USH2A: variants seen among roughly 807,000 people sequenced by gnomAD.
The protein encoded by USH2A is Usher syndrome 2A (autosomal recessive, mild).
A neutral mutation model predicts 538.9 loss-of-function variants in USH2A; 443 were observed. That is an observed-to-expected ratio of 0.82 (90% CI 0.76 to 0.89). USH2A has a LOEUF of 0.89. USH2A is among the 40% of genes least tolerant of loss of function. The pLI is 0.00. For synonymous variants in USH2A, 2,413 were observed against 2,273.5 expected, an observed-to-expected ratio of 1.06 and a Z score of -1.75; for missense variants, 6,633 against 6,324.8, an observed-to-expected ratio of 1.05 and a Z score of -1.65.
At position 216,246,914 on chromosome 1, in the gene USH2A, T is replaced by C; in HGVS notation, c.2480A>G (p.Asn827Ser). 6.2e-7 allele frequency: 1 copy of C among 1,614,170 alleles called. No individual in the cohort carries two copies. Among genetic ancestry groups the C allele is most frequent in the South Asian group, 1.1e-5 (1 of 91,086 alleles). ...CKPNVEGRQC[N>S]KCLEGNFYLR... The stretch of plus-strand genomic sequence containing the variant: ...GTAGAAGTTTCCCTCCAAACATTTA[T>C]TGCACTGTCTCCCTTCAACATTGGG... The change falls in exon 13 of 72, where the codon AAT becomes AGT. Residue 827 changes from asparagine (N) to serine (S), a missense_variant. Coordinates refer to ENST00000307340, the MANE Select transcript of USH2A (RefSeq NM_206933.4).
Position 216,159,573 on chromosome 1 carries a change from G to C in USH2A, c.4627+15679C>G, listed in dbSNP as rs576208897. Reference sequence around the variant, plus strand: ...ACACACACACACACACACACACACAGAGAATATTAGAATCTACTTTTGTGA... The same window carrying C: ...ACACACACACACACACACACACACACAGAATATTAGAATCTACTTTTGTGA... On this transcript the variant is annotated intron_variant, in intron 21 of 71. Transcript: ENST00000307340. 5.1e-3 allele frequency among the ~76,000 whole-genome samples: 598 copies of C among 116,178 alleles called. 14 individuals are homozygous for C. The highest frequency in any genetic ancestry group is 0.041 in the Admixed American group (507 of 12,418). The allele number at this position is 116,178 out of a possible 152,430, so 76.2% of individuals were successfully genotyped here. A position where few individuals can be genotyped will look rare whatever the true frequency, so the allele number is the denominator to read the frequency against.
intron 37 of USH2A, among the ~76,000 whole-genome samples, chr1:215,959,906 A>G (rs777891057): frequency 2.0e-5 from 3 of 152,132 alleles, no homozygotes; most frequent in Non-Finnish European, 4.4e-5. Context: ...ATCACGTCCC[A>G]ATTCATTCAA....
chr1:215,753,620 A>G (rs1405570599), intron 58 of USH2A, among the ~76,000 whole-genome samples: 1 of 151,806 alleles, frequency 6.6e-6, no homozygotes, highest in Non-Finnish European at 1.5e-5. Flanking sequence ...ATGAGAACAC[A>G]TGGACACAGG....
chr1:216,035,964 AAGATAG>A lies in USH2A; in HGVS notation c.6325+10461_6325+10466del, dbSNP rs76251063. The stretch of plus-strand genomic sequence containing the variant: ...TCCTTTGAAAATAAGTCAATATTGC[AAGATAG>A]AATGTGTCCAAATGACAAATGTGTA... On this transcript the variant is annotated intron_variant, in intron 32 of 71. Transcript: ENST00000307340. 1.1e-4 allele frequency among the ~76,000 whole-genome samples: 16 copies of A among 152,316 alleles called. No individual in the cohort carries two copies. In the East Asian group the frequency reaches 3.1e-3, roughly 29 times the overall value.
intron 47 of USH2A, among the ~76,000 whole-genome samples, chr1:215,837,769 T>C (rs1054184618): frequency 6.6e-6 from 1 of 152,186 alleles, no homozygotes; most frequent in Non-Finnish European, 1.5e-5. Context: ...GGTTACTAAA[T>C]AAGAAATCTG....
At chr1:216,153,244 T>C (rs1365277656) in intron 21 of USH2A, among the ~76,000 whole-genome samples, 2 of 152,198 alleles carry the variant, frequency 1.3e-5, no homozygotes, top group Non-Finnish European at 2.9e-5. Flanking sequence ...TTAAGCCATA[T>C]GTGGATGGCA....
intron 3 of USH2A, among the ~76,000 whole-genome samples, chr1:216,408,256 T>C (rs2039428950): frequency 6.6e-6 from 1 of 152,160 alleles, no homozygotes. Context: ...ACATTCAGAC[T>C]GGCAAAAGGC....
intron 9 of USH2A, among the ~76,000 whole-genome samples, chr1:216,307,918 C>G (rs1228238839): frequency 6.6e-6 from 1 of 152,150 alleles, no homozygotes; most frequent in Non-Finnish European, 1.5e-5. Context: ...TGGGCACTTA[C>G]AGTTTTTCGG....
At chr1:216,218,421 G>A (rs1463480932) in intron 14 of USH2A, among the ~76,000 whole-genome samples, 1 of 152,108 alleles carries the variant, frequency 6.6e-6, no homozygotes, top group Non-Finnish European at 1.5e-5. Context: ...GCACATGTAA[G>A]AAGACCACTC....
chr1:215,827,200 T>C (rs1205501280), intron 47 of USH2A, among the ~76,000 whole-genome samples: 1 of 152,110 alleles, frequency 6.6e-6, no homozygotes, highest in Non-Finnish European at 1.5e-5. Context: ...AGGGAGTCTT[T>C]TTCCTGAGGA....
At chr1:215,904,075 C>T (rs1436659882) in intron 38 of USH2A, among the ~76,000 whole-genome samples, 4 of 152,026 alleles carry the variant, frequency 2.6e-5, no homozygotes, top group Non-Finnish European at 5.9e-5. Context: ...AAATAAAGTG[C>T]AAAATGCATA....
chr1:216,190,495 A>AG, intron 19 of USH2A, 128 bp from the exon 20 acceptor site: 8 of 1,218,774 alleles, frequency 6.6e-6, no homozygotes, highest in East Asian at 2.7e-5. Flanking sequence ...CATTAGGAAA[A>AG]GGGTTTTTTT....
chr1:216,216,961 A>G (rs1479998624), intron 15 of USH2A, among the ~76,000 whole-genome samples: 1 of 152,110 alleles, frequency 6.6e-6, no homozygotes, highest in Non-Finnish European at 1.5e-5. Context: ...TATCAAACAT[A>G]TAATAAACAA....
chr1:215,716,444 T>TA (rs1390766967), intron 61 of USH2A, among the ~76,000 whole-genome samples: 4 of 152,098 alleles, frequency 2.6e-5, no homozygotes, highest in African/African-American at 9.7e-5. Flanking sequence ...ATAACCATCC[T>TA]AAAAAAACAC....
chr1:215,993,775 C>G (rs971140672), intron 34 of USH2A, among the ~76,000 whole-genome samples: 3 of 152,134 alleles, frequency 2.0e-5, no homozygotes, highest in African/African-American at 7.2e-5. Flanking sequence ...TAAAGGATCA[C>G]ATAATTTACT....
At chr1:216,421,817 G>A (rs1489590155) in intron 2 of USH2A, 35 bp downstream of exon 2, 1 of 1,613,602 alleles carries the variant, frequency 6.2e-7, no homozygotes, top group South Asian at 1.1e-5. Context: ...TGGTTTTGGG[G>A]ACCTATGAAA....
At chr1:215,953,994 C>T (rs562544057) in intron 37 of USH2A, among the ~76,000 whole-genome samples, 2 of 152,242 alleles carry the variant, frequency 1.3e-5, no homozygotes, top group South Asian at 4.1e-4. Context: ...GAGAGAAATG[C>T]AAATCAAAAC....
At chr1:216,009,152 C>T (rs1310202695) in intron 32 of USH2A, among the ~76,000 whole-genome samples, 3 of 151,988 alleles carry the variant, frequency 2.0e-5, no homozygotes, top group African/African-American at 7.3e-5. Context: ...TCCCTTATTT[C>T]CATGCCCCAA....
In USH2A at chr1:215,648,629, G is replaced by T; in HGVS notation, c.14481C>A (p.Ala4827=). 6.2e-7 allele frequency: 1 copy of T among 1,614,190 alleles called. No individual in the cohort carries two copies. Among genetic ancestry groups the T allele is most frequent in the South Asian group, 1.1e-5 (1 of 91,072 alleles). Residue 4827 remains alanine, a synonymous_variant, in exon 66 of 72, where the codon GCC becomes GCA. Transcript: ENST00000307340. ...GTGGAGAGGACAGTCCTGAGGGTGG[G>T]GCAGGATGGGTTCTCAGTTCAGCTG... ...GPTAELRTHP[A]PPSGLSSPQI... is the part of the protein sequence containing the mutation.
Sources: gnomAD v4.1 joint callset for allele counts (sites outside exome capture counted in the v4.1 genomes callset) on GRCh38, gnomAD v4.1.1 for gene constraint, MANE v1.5 for transcripts, NCBI Gene and HGNC (gene_info 2026-07-23, HGNC 2026-07-21) for gene names.